The following OR9Q1 variants were observed in gnomAD, a reference collection of about 807,000 sequenced individuals.
OR9Q1 encodes the protein olfactory receptor 9Q1.
For missense variants in OR9Q1, 374 were observed against 378.8 expected (o/e 0.99, Z 0.11); for synonymous variants, 153 against 148.6 (o/e 1.03, Z -0.22).
intron 2 of OR9Q1, among the ~76,000 whole-genome samples, chr11:58,149,927 T>C (rs1411699818): frequency 6.6e-6 from 1 of 152,212 alleles, no homozygotes; most frequent in East Asian, 1.9e-4. Flanking sequence ...TAAATGTGGG[T>C]GAACAAAGAT....
At chr11:58,074,567 CTGA>C (rs1381773921) in intron 2 of OR9Q1, among the ~76,000 whole-genome samples, 10 of 152,016 alleles carry the variant, frequency 6.6e-5, no homozygotes, top group Admixed American at 2.0e-4. Flanking sequence ...CCTTTTCACT[CTGA>C]TGATATTTTC....
chr11:58,036,365 GTTCTGATGGAAATGTACAAGGAGA>G (rs1354407297), intron 1 of OR9Q1, among the ~76,000 whole-genome samples: 8 of 152,202 alleles, frequency 5.3e-5, no homozygotes, highest in Admixed American at 3.9e-4. Flanking sequence ...TGACACGAGA[GTTCTGATGGAAATGTACAAGGAGA>G]TTCATGTTGT....
At chr11:58,177,937 A>C (rs775008808) in intron 2 of OR9Q1, among the ~76,000 whole-genome samples, 2 of 152,184 alleles carry the variant, frequency 1.3e-5, no homozygotes, top group Non-Finnish European at 2.9e-5. Context: ...AGGTAGGGTA[A>C]GAGTTGGCTA....
In OR9Q1 at chr11:58,156,809, C is replaced by T. The variant is rs758742835; in HGVS notation, c.-14-22622C>T. Among the ~76,000 whole-genome samples, 9 of 152,140 alleles carry T rather than the reference C, an allele frequency of 5.9e-5. 1 individual carries two copies. The highest frequency in any genetic ancestry group is 2.0e-4 in the Admixed American group (3 of 15,264). ...TATCCATATATTTGATAATTTTTGG[C>T]TCATTTCCTGGATAGTAGAGCCCTT... On this transcript the variant is annotated intron_variant, in intron 2 of 2. Transcript: ENST00000335397.
chr11:58,056,888 C>A (rs1853333574), intron 2 of OR9Q1, among the ~76,000 whole-genome samples: 1 of 151,966 alleles, frequency 6.6e-6, no homozygotes, highest in African/African-American at 2.4e-5. Context: ...GTGGGGGCAC[C>A]TAAGGCTCCC....
intron 2 of OR9Q1, among the ~76,000 whole-genome samples, chr11:58,105,537 TA>T (rs1853831545): frequency 6.6e-6 from 1 of 152,208 alleles, no homozygotes; most frequent in Admixed American, 6.5e-5. Flanking sequence ...CATAAACTTT[TA>T]AGTTTACAAA....
At chr11:58,048,728 A>G (rs1853247370) in intron 1 of OR9Q1, among the ~76,000 whole-genome samples, 1 of 144,220 alleles carries the variant, frequency 6.9e-6, no homozygotes, top group Non-Finnish European at 1.5e-5. Flanking sequence ...AAGAGAGAAG[A>G]ATCAAATAGA....
chr11:58,024,703 G>A (rs1277833624), intron 1 of OR9Q1, among the ~76,000 whole-genome samples: 2 of 152,126 alleles, frequency 1.3e-5, no homozygotes, highest in Non-Finnish European at 2.9e-5. Flanking sequence ...CTTTTTTCCT[G>A]CATGGCACTT....
intron 2 of OR9Q1, among the ~76,000 whole-genome samples, chr11:58,142,268 A>G (rs1037971091): frequency 5.9e-5 from 9 of 152,110 alleles, no homozygotes; most frequent in African/African-American, 2.2e-4. Flanking sequence ...GAGAATGAGC[A>G]TGAAGGCAGG....
At chr11:58,069,362 G>T (rs899150900) in intron 2 of OR9Q1, among the ~76,000 whole-genome samples, 1 of 152,128 alleles carries the variant, frequency 6.6e-6, no homozygotes, top group African/African-American at 2.4e-5. Flanking sequence ...TGTGACACCT[G>T]CAGTGTGCAA....
At chr11:58,036,706 G>A (rs947266565) in intron 1 of OR9Q1, among the ~76,000 whole-genome samples, 2 of 152,182 alleles carry the variant, frequency 1.3e-5, no homozygotes, top group Admixed American at 6.5e-5. Context: ...AGGAAGTAAT[G>A]GCAGATGTGG....
chr11:58,178,258 C>A lies in OR9Q1; in HGVS notation c.-14-1173C>A, dbSNP rs1049585854. Among the ~76,000 whole-genome samples, 3 of 152,230 alleles carry A rather than the reference C, an allele frequency of 2.0e-5. No individual in the cohort carries two copies. The East Asian group carries it at 5.8e-4, about 29-fold the overall frequency. The stretch of plus-strand genomic sequence containing the variant: ...ATAGAGGCAAATAATTTGCGTATTT[C>A]GAACTTTAAAAAGACAAATATTTAA... On this transcript the variant is annotated intron_variant, in intron 2 of 2. Coordinates refer to ENST00000335397, the MANE Select transcript of OR9Q1 (RefSeq NM_001005212.4).
chr11:58,166,137 G>T (rs1854502257), intron 2 of OR9Q1, among the ~76,000 whole-genome samples: 1 of 152,138 alleles, frequency 6.6e-6, no homozygotes, highest in African/African-American at 2.4e-5. Flanking sequence ...CACAGCCTAG[G>T]ATTCTCACAT....
intron 2 of OR9Q1, chr11:58,057,683 C>T (rs1853341010): frequency 6.6e-6 from 1 of 152,130 alleles, no homozygotes; most frequent in Non-Finnish European, 1.5e-5. Flanking sequence ...ATGTAGTGAC[C>T]TGGATGGCAG....
At chr11:58,154,396 G>A (rs200332385) in intron 2 of OR9Q1, among the ~76,000 whole-genome samples, 2 of 58,416 alleles carry the variant, frequency 3.4e-5, no homozygotes, top group African/African-American at 1.2e-4. Context: ...TTTTTTTTTT[G>A]TCCTGTGATG....
intron 2 of OR9Q1, among the ~76,000 whole-genome samples, chr11:58,170,246 A>T (rs1179186824): frequency 6.6e-6 from 1 of 152,084 alleles, no homozygotes. Context: ...GTACTGGGAC[A>T]TTGACTCCTT....
At chr11:58,102,294 T>G (rs988425554) in intron 2 of OR9Q1, among the ~76,000 whole-genome samples, 2 of 152,120 alleles carry the variant, frequency 1.3e-5, no homozygotes, top group African/African-American at 4.8e-5. Flanking sequence ...TCTCATTATT[T>G]ATCTTTGCAG....
At chr11:58,151,970 T>C (rs1854357373) in intron 2 of OR9Q1, among the ~76,000 whole-genome samples, 1 of 152,156 alleles carries the variant, frequency 6.6e-6, no homozygotes, top group African/African-American at 2.4e-5. Flanking sequence ...ATAAGGAACC[T>C]TGACATAGAG....
chr11:58,053,020 C>G (rs999681338), intron 1 of OR9Q1, among the ~76,000 whole-genome samples: 1 of 151,428 alleles, frequency 6.6e-6, no homozygotes, highest in East Asian at 1.9e-4. Context: ...ACTAGTTCAA[C>G]CATTGTGGAA....
Sources: gnomAD v4.1 joint callset for allele counts (sites outside exome capture counted in the v4.1 genomes callset) on GRCh38, gnomAD v4.1.1 for gene constraint, MANE v1.5 for transcripts, NCBI Gene and HGNC (gene_info 2026-07-23, HGNC 2026-07-21) for gene names.